VWA3B: variants seen among roughly 807,000 people sequenced by gnomAD.
The protein encoded by VWA3B is von Willebrand factor A domain containing 3B.
A neutral mutation model predicts 158.3 loss-of-function variants in VWA3B; 138 were observed. The observed-to-expected ratio is 0.87, with a 90% confidence interval of 0.76 to 1.00. VWA3B has a LOEUF of 1.00. Among genes scored for constraint, VWA3B ranks in the 50% least tolerant of loss-of-function variants. The pLI is 0.00. For missense variants in VWA3B, 1,555 were observed against 1,565.1 expected (o/e 0.99, Z 0.11); for synonymous variants, 596 against 587.3 (o/e 1.01, Z -0.21).
intron 12 of VWA3B, among the ~76,000 whole-genome samples, chr2:98,197,289 A>T (rs930951155): frequency 6.6e-6 from 1 of 152,250 alleles, no homozygotes; most frequent in Admixed American, 6.5e-5. Context: ...CTGAAGGCAC[A>T]CATGATGCTG....
chr2:98,326,230 A>G, the VWA3B span, among the ~76,000 whole-genome samples: 1 of 152,218 alleles, frequency 6.6e-6, no homozygotes, highest in South Asian at 2.1e-4. Context: ...ACTAGAGTGC[A>G]TACAGACATT....
chr2:98,206,439 G>C (rs1683028816), intron 12 of VWA3B: 1 of 293,660 alleles, frequency 3.4e-6, no homozygotes, highest in African/African-American at 2.2e-5. Flanking sequence ...GCTGGTTTTT[G>C]TGGTGACCCA....
At chr2:98,283,890 G>C (rs1689020358) in intron 22 of VWA3B, among the ~76,000 whole-genome samples, 1 of 152,222 alleles carries the variant, frequency 6.6e-6, no homozygotes, top group Non-Finnish European at 1.5e-5. Flanking sequence ...TGTTTCTCCT[G>C]CCTCCTAGTC....
chr2:98,203,359 A>G (rs1558669774), intron 12 of VWA3B, among the ~76,000 whole-genome samples: 1 of 152,268 alleles, frequency 6.6e-6, no homozygotes, highest in African/African-American at 2.4e-5. Flanking sequence ...TTTAAGATCA[A>G]GAACAGCTAC....
At chr2:98,303,612 TA>T (rs1432604570) in intron 25 of VWA3B, 89 bp from the exon 26 acceptor site, 5 of 1,167,738 alleles carry the variant, frequency 4.3e-6, no homozygotes, top group Non-Finnish European at 6.3e-6. Flanking sequence ...GACTAGAAGC[TA>T]TTATAATGGG....
intron 19 of VWA3B, among the ~76,000 whole-genome samples, chr2:98,243,399 T>A (rs1349203655): frequency 6.6e-6 from 1 of 152,040 alleles, no homozygotes; most frequent in African/African-American, 2.4e-5. Flanking sequence ...AATGGTGTGA[T>A]CTCTGTTCAC....
At chr2:98,245,490 C>T in intron 19 of VWA3B, 1 of 451,872 alleles carries the variant, frequency 2.2e-6, no homozygotes, top group South Asian at 1.6e-5. Flanking sequence ...TTCCCTGGAT[C>T]TGCATGTGGA....
At position 98,125,627 on chromosome 2, in the gene VWA3B, A is replaced by G. The variant is rs560930409; in HGVS notation, c.703-2612A>G. On this transcript the variant is annotated intron_variant, in intron 5 of 27. Transcript: ENST00000477737. This position sits in a 1 kb window ranked among gnomAD's most constrained non-coding sequence, Gnocchi z 4.1. ...GCATTTTGCCAGTTTGATGGCAGAC[A>G]GGAATAGGTAGCATATTTATCCTCC... Among the ~76,000 whole-genome samples, 3 of 152,322 alleles carry G rather than the reference A, an allele frequency of 2.0e-5. No individual in the cohort carries two copies. The highest frequency in any genetic ancestry group is 6.5e-5 in the Admixed American group (1 of 15,304).
chr2:98,098,237 G>C (rs1682847711), intron 2 of VWA3B, among the ~76,000 whole-genome samples: 1 of 152,040 alleles, frequency 6.6e-6, no homozygotes. Context: ...ATTTGGTCTA[G>C]AGTTCAGTTT....
chr2:98,248,825 TTC>T (rs754867560), intron 19 of VWA3B, among the ~76,000 whole-genome samples: 18 of 11,592 alleles, frequency 1.6e-3, no homozygotes, highest in Admixed American at 5.7e-3. Context: ...CTCTTTCTTT[TTC>T]TTTCTTTCTT....
intron 12 of VWA3B, among the ~76,000 whole-genome samples, chr2:98,197,267 C>T (rs1682130032): frequency 6.6e-6 from 1 of 152,092 alleles, no homozygotes; most frequent in Non-Finnish European, 1.5e-5. Context: ...AATACTCTTC[C>T]CAGTGGATCA....
chr2:98,323,579 G>A, the VWA3B span, among the ~76,000 whole-genome samples: 1 of 151,706 alleles, frequency 6.6e-6, no homozygotes, highest in African/African-American at 2.4e-5. Flanking sequence ...TAATAGATTC[G>A]AGAAGCCTAA....
chr2:98,230,298 A>T, intron 16 of VWA3B, 91 bp downstream of exon 16: 1 of 1,303,156 alleles, frequency 7.7e-7, no homozygotes, highest in African/African-American at 1.5e-5. Flanking sequence ...TATTTTTAAG[A>T]AGCACTAAAC....
rs543746496 is a variant in VWA3B at position 98,197,507 on chromosome 2, T to A, written c.1737+3015T>A. 1.8e-3 allele frequency among the ~76,000 whole-genome samples: 269 copies of A among 152,350 alleles called. 8 individuals are homozygous for A. The South Asian group carries it at 0.036, about 20-fold the overall frequency. ...ATGTGGATCATCCTTACAACAATTA[T>A]TACTGAGCTGAGGTGATTTTATATT... On this transcript the variant is annotated intron_variant, in intron 12 of 27. Transcript: ENST00000477737.
intron 20 of VWA3B, among the ~76,000 whole-genome samples, chr2:98,251,835 T>C (rs4389366): frequency 0.81 from 123,622 of 152,068 alleles, 50,640 homozygotes; most frequent in South Asian, 0.9. Flanking sequence ...GCCTCCATCG[T>C]TGCCCTCACC....
chr2:98,250,958 G>T (rs1252899956), intron 20 of VWA3B, among the ~76,000 whole-genome samples: 1 of 152,040 alleles, frequency 6.6e-6, no homozygotes, highest in Non-Finnish European at 1.5e-5. Flanking sequence ...ATACAGGCTG[G>T]GTGTGGTGGT....
At chr2:98,273,015 G>A (rs1688301615) in intron 22 of VWA3B, among the ~76,000 whole-genome samples, 1 of 152,190 alleles carries the variant, frequency 6.6e-6, no homozygotes, top group East Asian at 1.9e-4. Context: ...CAGTGAGCCA[G>A]TAAGTTTCTG....
intron 21 of VWA3B, among the ~76,000 whole-genome samples, chr2:98,266,408 T>C (rs1687830131): frequency 6.6e-6 from 1 of 151,832 alleles, no homozygotes; most frequent in Non-Finnish European, 1.5e-5. Flanking sequence ...GATCTATATC[T>C]CTGTTTTGGT....
chr2:98,126,035 G>C (rs1442430273), intron 5 of VWA3B, among the ~76,000 whole-genome samples: 1 of 152,136 alleles, frequency 6.6e-6, no homozygotes, highest in Non-Finnish European at 1.5e-5. Flanking sequence ...CAGGAGAGTG[G>C]GGGGGATAGG....
Sources: gnomAD v4.1 joint callset for allele counts (sites outside exome capture counted in the v4.1 genomes callset) on GRCh38, gnomAD v4.1.1 for gene constraint, Gnocchi (gnomAD v3.1) non-coding constraint, MANE v1.5 for transcripts, NCBI Gene and HGNC (gene_info 2026-07-23, HGNC 2026-07-21) for gene names.